Variants in MYO1D observed in about 807,000 individuals in gnomAD.
MYO1D encodes the protein myosin ID.
Under a neutral mutation model 122.0 loss-of-function variants are expected in MYO1D, and 83 were observed. The observed-to-expected ratio is 0.68, with a 90% CI of 0.57 to 0.82. The LOEUF is 0.82. Ranked by LOEUF, MYO1D falls within the 40% of genes least tolerant of loss-of-function variation. The pLI, the probability that MYO1D is intolerant of heterozygous loss-of-function variation, is 0.00. For synonymous variants in MYO1D, 464 were observed against 446.9 expected (o/e 1.04, Z -0.48); for missense variants, 1,157 against 1,269.5 (o/e 0.91, Z 1.35).
chr17:32,560,565 AT>A (rs2087113906), intron 21 of MYO1D, among the ~76,000 whole-genome samples: 1 of 106,276 alleles, frequency 9.4e-6, no homozygotes, highest in Non-Finnish European at 1.9e-5. Context: ...ATATATATAT[AT>A]ATATATATAT....
intron 21 of MYO1D, among the ~76,000 whole-genome samples, chr17:32,579,215 G>A (rs1024427093): frequency 1.3e-5 from 2 of 152,000 alleles, no homozygotes; most frequent in Non-Finnish European, 2.9e-5. Context: ...CTACAGGTGT[G>A]TGCCACTATA....
chr17:32,752,631 A>G (rs2089908978), intron 11 of MYO1D, among the ~76,000 whole-genome samples: 1 of 152,226 alleles, frequency 6.6e-6, no homozygotes, highest in African/African-American at 2.4e-5. Flanking sequence ...GTATTTTTCA[A>G]AAGAAGAAAT....
intron 1 of MYO1D, among the ~76,000 whole-genome samples, chr17:32,850,325 TAAC>T (rs2090975141): frequency 6.6e-6 from 1 of 152,194 alleles, no homozygotes. Flanking sequence ...GTTTTAAAAA[TAAC>T]AATTATCCAC....
chr17:32,563,336 A>T (rs537897831), intron 21 of MYO1D, among the ~76,000 whole-genome samples: 3 of 149,850 alleles, frequency 2.0e-5, no homozygotes, highest in African/African-American at 7.4e-5. Flanking sequence ...CAGCCTCCTG[A>T]GTAGCTGGGA....
intron 20 of MYO1D, among the ~76,000 whole-genome samples, chr17:32,622,753 A>G (rs2087869388): frequency 6.6e-6 from 1 of 152,236 alleles, no homozygotes; most frequent in African/African-American, 2.4e-5. Flanking sequence ...GGGGGCAAAG[A>G]GCAGTTTCTA....
chr17:32,710,066 A>G (rs2089355760), intron 16 of MYO1D, among the ~76,000 whole-genome samples: 1 of 152,200 alleles, frequency 6.6e-6, no homozygotes, highest in African/African-American at 2.4e-5. Context: ...ATTGAATTTA[A>G]TAAACTTATG....
chr17:32,744,430 T>C (rs983321007), intron 13 of MYO1D, among the ~76,000 whole-genome samples: 2 of 152,220 alleles, frequency 1.3e-5, no homozygotes, highest in Admixed American at 1.3e-4. Context: ...TGTTTCCTTG[T>C]TTATTAACTG....
intron 8 of MYO1D, among the ~76,000 whole-genome samples, chr17:32,761,943 A>G (rs8077883): frequency 0.015 from 2,210 of 152,200 alleles, 41 homozygotes; most frequent in African/African-American, 0.048. Flanking sequence ...CATAGTCTCA[A>G]TGTCCAAGAA....
At chr17:32,817,953 C>T (rs377286365) in intron 1 of MYO1D, among the ~76,000 whole-genome samples, 7 of 149,990 alleles carry the variant, frequency 4.7e-5, no homozygotes, top group South Asian at 2.2e-4. Context: ...GGTGAAACCC[C>T]GTCTCTACTA....
chr17:32,773,266 C>T (rs1048399461), intron 4 of MYO1D, among the ~76,000 whole-genome samples: 1 of 152,226 alleles, frequency 6.6e-6, no homozygotes, highest in Non-Finnish European at 1.5e-5. Flanking sequence ...TTCAATCTCC[C>T]CCTTCCCTTA....
chr17:32,862,976 G>C (rs2091090821), intron 1 of MYO1D: 1 of 152,182 alleles, frequency 6.6e-6, no homozygotes, highest in African/African-American at 2.4e-5. Context: ...TATTTTAAAA[G>C]CTGGGTGATC....
At position 32,876,863 on chromosome 17, in the gene MYO1D, G is replaced by A; in HGVS notation, c.10C>T (p.Gln4Ter). Residue 4 changes from glutamine to a stop codon, truncating the protein, a stop_gained, in exon 1 of 22, where the codon CAG becomes TAG. Coordinates refer to ENST00000318217, the MANE Select transcript of MYO1D (RefSeq NM_015194.3). LOFTEE classifies it high-confidence loss of function. ...GCCTTGCCGAATTCCAGGCTCTCCT[G>A]CTCCGCCATGGCGCCAGCGCGGGGG... The part of the protein sequence containing the change: MAE[Q>*]ESLEFGKADF... 1.3e-6 allele frequency: 2 copies of A among 1,495,086 alleles called. No homozygotes were observed. Among genetic ancestry groups the A allele is most frequent in the Non-Finnish European group, 1.8e-6 (2 of 1,118,950 alleles). The allele number at this position is 1,495,086 out of a possible 1,614,324, so 92.6% of individuals were successfully genotyped here. A position where few individuals can be genotyped will look rare whatever the true frequency, so the allele number is the denominator to read the frequency against.
chr17:32,518,941 C>T (rs143583172), intron 21 of MYO1D: 66 of 152,410 alleles, frequency 4.3e-4, no homozygotes, highest in African/African-American at 1.5e-3. Context: ...TTCTCTGCGG[C>T]CCGGGTAGGG....
At chr17:32,871,115 G>A (rs2091175329) in intron 1 of MYO1D, among the ~76,000 whole-genome samples, 1 of 152,174 alleles carries the variant, frequency 6.6e-6, no homozygotes, top group African/African-American at 2.4e-5. Flanking sequence ...ATGAGGAAAG[G>A]AGGACATTCC....
intron 20 of MYO1D, among the ~76,000 whole-genome samples, chr17:32,626,572 G>A (rs1268555584): frequency 6.6e-6 from 1 of 152,126 alleles, no homozygotes; most frequent in Non-Finnish European, 1.5e-5. Flanking sequence ...TCTACTTTGT[G>A]CCCAAAAGCA....
intron 21 of MYO1D, chr17:32,497,500 A>T (rs1358666206): frequency 6.6e-6 from 1 of 152,146 alleles, no homozygotes; most frequent in East Asian, 1.9e-4. Context: ...ATCCTCAGGG[A>T]GTTGTTGTAG....
chr17:32,522,833 T>A (rs890790391), intron 21 of MYO1D, among the ~76,000 whole-genome samples: 1 of 151,422 alleles, frequency 6.6e-6, no homozygotes, highest in African/African-American at 2.4e-5. Context: ...TTTTTTTTTT[T>A]TGAGATGGAG....
At chr17:32,703,150 C>A (rs931280465) in intron 16 of MYO1D, among the ~76,000 whole-genome samples, 2 of 152,168 alleles carry the variant, frequency 1.3e-5, no homozygotes, top group Non-Finnish European at 2.9e-5. Context: ...CCTAGAGCTA[C>A]AATCAAAGCT....
chr17:32,613,916 T>A (rs548230489), intron 20 of MYO1D, among the ~76,000 whole-genome samples: 2 of 151,878 alleles, frequency 1.3e-5, no homozygotes, highest in African/African-American at 4.8e-5. Context: ...TCAGGCTCGC[T>A]GGCTTTCACT....
Sources: gnomAD v4.1 joint callset for allele counts (sites outside exome capture counted in the v4.1 genomes callset) on GRCh38, gnomAD v4.1.1 for gene constraint, MANE v1.5 for transcripts, NCBI Gene and HGNC (gene_info 2026-07-23, HGNC 2026-07-21) for gene names.